Variants in PDK1 observed in about 807,000 individuals in gnomAD.
PDK1 encodes the protein pyruvate dehydrogenase kinase 1.
A neutral mutation model predicts 54.2 loss-of-function variants in PDK1; 39 were observed. The observed-to-expected ratio is 0.72, with a 90% confidence interval of 0.56 to 0.94. The LOEUF is 0.94. Among genes scored for constraint, PDK1 ranks in the 40% least tolerant of loss-of-function variants. PDK1 has a pLI of 0.00. For missense variants in PDK1, 552 were observed against 566.0 expected (o/e 0.98, Z 0.25); for synonymous variants, 221 against 207.1 (o/e 1.07, Z -0.58).
At position 172,566,940 on chromosome 2, in the gene PDK1, C is replaced by T. The variant is rs2149217477; in HGVS notation, c.769+7C>T. ...GAACTTGAAGAACTAAATGGTAAGC[C>T]TGATGTTGTCTTTTTCTCAATAATT... On this transcript the variant is annotated splice_region_variant and intron_variant, in intron 6 of 10. Transcript: ENST00000282077. 1 of 1,563,684 alleles carries T rather than the reference C, an allele frequency of 6.4e-7. No homozygotes were observed. Among genetic ancestry groups the T allele is most frequent in the Non-Finnish European group, 8.8e-7 (1 of 1,137,108 alleles).
chr2:172,558,904 G>A, intron 2 of PDK1, 55 bp downstream of exon 2: 1 of 1,512,020 alleles, frequency 6.6e-7, no homozygotes, highest in South Asian at 1.2e-5. Flanking sequence ...TTTATTCAAG[G>A]TTACAGCAAA....
chr2:172,684,407 G>A, the PDK1 span, among the ~76,000 whole-genome samples: 1 of 152,118 alleles, frequency 6.6e-6, no homozygotes, highest in South Asian at 2.1e-4. Flanking sequence ...GGGCAACAGA[G>A]TGAGACCCCA....
At chr2:172,587,484 G>C (rs566955499) in intron 9 of PDK1, among the ~76,000 whole-genome samples, 1 of 151,096 alleles carries the variant, frequency 6.6e-6, no homozygotes, top group Non-Finnish European at 1.5e-5. Flanking sequence ...TGTTCTTCTG[G>C]GTGGGTTCGT....
intron 5 of PDK1, among the ~76,000 whole-genome samples, chr2:172,566,312 T>G (rs10930563): frequency 6.6e-6 from 1 of 152,124 alleles, no homozygotes; most frequent in Admixed American, 6.5e-5. Context: ...CCCAGCACTT[T>G]GGAAGGCTGA....
chr2:172,556,028 T>A, upstream of PDK1: 1 of 662,698 alleles, frequency 1.5e-6, no homozygotes, highest in Non-Finnish European at 2.2e-6. Flanking sequence ...GCTAGGAGGG[T>A]GGGGGCCGCG....
chr2:172,583,298 T>G (rs898669519), intron 8 of PDK1, among the ~76,000 whole-genome samples: 6 of 135,950 alleles, frequency 4.4e-5, no homozygotes, highest in African/African-American at 1.4e-4. Context: ...TTTTTTTTTT[T>G]TTTTTTTTTT....
chr2:172,684,922 T>G, the PDK1 span, among the ~76,000 whole-genome samples: 1 of 152,170 alleles, frequency 6.6e-6, no homozygotes, highest in African/African-American at 2.4e-5. Flanking sequence ...TAATCCCACA[T>G]GTCAAGGGAG....
At chr2:172,555,744 G>C (rs1688272309), upstream of PDK1, 2 of 160,824 alleles carry the variant, frequency 1.2e-5, no homozygotes. Context: ...AAAAGGGTGC[G>C]GGAAGGGGAC....
the PDK1 span, among the ~76,000 whole-genome samples, chr2:172,682,874 G>C: frequency 6.6e-6 from 1 of 152,270 alleles, no homozygotes; most frequent in Non-Finnish European, 1.5e-5. Flanking sequence ...ACAAAATAAA[G>C]AGGCTGGACC....
chr2:172,687,680 C>T, the PDK1 span, among the ~76,000 whole-genome samples: 1 of 152,198 alleles, frequency 6.6e-6, no homozygotes, highest in African/African-American at 2.4e-5. Context: ...TCATATCTTT[C>T]TCAGGCTGGG....
the PDK1 span, among the ~76,000 whole-genome samples, chr2:172,702,988 GA>G: frequency 0.033 from 4,988 of 151,986 alleles, 276 homozygotes; most frequent in African/African-American, 0.11. Context: ...ACCTTATAAG[GA>G]AAAAAAATAT....
In PDK1 at chr2:172,585,908, A is replaced by G. The variant is rs138555202; in HGVS notation, c.946-370A>G. On this transcript the variant is annotated intron_variant, in intron 8 of 10. Coordinates refer to ENST00000282077, the MANE Select transcript of PDK1 (RefSeq NM_002610.5). ...AGGCTGGGTGCGGTGGCTCATGCCT[A>G]TAATCCCAGCACTTTGGGAGGCCAA... Among the ~76,000 whole-genome samples the G allele has an allele frequency of 1.6e-3, 239 of 152,218 alleles. 1 individual carries two copies. Among genetic ancestry groups the G allele is most frequent in the Non-Finnish European group, 2.5e-3 (167 of 68,014 alleles).
At chr2:172,683,086 C>G in the PDK1 span, among the ~76,000 whole-genome samples, 1 of 152,078 alleles carries the variant, frequency 6.6e-6, no homozygotes, top group Non-Finnish European at 1.5e-5. Context: ...GGGGCTCACA[C>G]CTGTAATCCC....
At chr2:172,566,716 G>C (rs1401511799) in intron 5 of PDK1, 140 bp from the exon 6 acceptor site, 14 of 341,200 alleles carry the variant, frequency 4.1e-5, no homozygotes, top group Non-Finnish European at 6.8e-5. Context: ...AAAAAAAGCA[G>C]ACTTTCACCA....
chr2:172,637,070 T>G, the PDK1 span, among the ~76,000 whole-genome samples: 2 of 152,242 alleles, frequency 1.3e-5, no homozygotes, highest in African/African-American at 2.4e-5. Context: ...TATTGCAGGA[T>G]TTCAATAACA....
chr2:172,684,605 A>T, the PDK1 span, among the ~76,000 whole-genome samples: 1 of 152,150 alleles, frequency 6.6e-6, no homozygotes, highest in Non-Finnish European at 1.5e-5. Flanking sequence ...ACTTTAATCA[A>T]GCTGGGATCA....
intron 7 of PDK1, among the ~76,000 whole-genome samples, chr2:172,570,035 T>A (rs1462967849): frequency 1.3e-5 from 2 of 152,336 alleles, no homozygotes; most frequent in East Asian, 3.9e-4. Context: ...GTGGAAATGA[T>A]GGAATCTCCT....
the PDK1 span, among the ~76,000 whole-genome samples, chr2:172,715,003 A>G: frequency 6.6e-6 from 1 of 152,232 alleles, no homozygotes; most frequent in African/African-American, 2.4e-5. Context: ...TATTTACAGA[A>G]TTTCCCTATG....
chr2:172,611,588 C>A (rs776235951), downstream of PDK1, among the ~76,000 whole-genome samples: 4 of 152,020 alleles, frequency 2.6e-5, no homozygotes, highest in Non-Finnish European at 5.9e-5. Flanking sequence ...ATGCCAAAAC[C>A]AAACACAATA....
Sources: allele counts gnomAD v4.1 joint callset (sites outside exome capture counted in the v4.1 genomes callset), GRCh38; gene constraint gnomAD v4.1.1; transcripts MANE v1.5; gene names NCBI Gene and HGNC (gene_info 2026-07-23, HGNC 2026-07-21).